Variants in NR6A1 observed in about 807,000 individuals in gnomAD.
NR6A1 encodes nuclear receptor subfamily 6 group A member 1.
In NR6A1, 7 loss-of-function variants were observed where a neutral mutation model predicts 59.1. That is an observed-to-expected ratio of 0.12 (90% CI 0.07 to 0.22). The LOEUF is 0.22. NR6A1 is among the 10% of genes least tolerant of loss of function. NR6A1 has a pLI of 1.00. For synonymous variants in NR6A1, 243 were observed against 236.1 expected (o/e 1.03, Z -0.27); for missense variants, 468 against 611.6 (o/e 0.77, Z 2.48).
intron 2 of NR6A1, among the ~76,000 whole-genome samples, chr9:124,704,392 A>G (rs1291061610): frequency 6.6e-6 from 1 of 152,044 alleles, no homozygotes; most frequent in Admixed American, 6.6e-5. Context: ...TTTCTTCCTT[A>G]TACTTGCTTC....
chr9:124,626,253 G>A (rs766433500), intron 2 of NR6A1, among the ~76,000 whole-genome samples: 20 of 152,110 alleles, frequency 1.3e-4, no homozygotes, highest in Non-Finnish European at 1.9e-4. Flanking sequence ...TGATCTGCCC[G>A]CCTTGGCCTC....
At position 124,540,128 on chromosome 9, in the gene NR6A1, A is replaced by C; in HGVS notation, c.501T>G (p.Asn167Lys). Residue 167 changes from asparagine to lysine, a missense_variant, in exon 5 of 10, where the codon AAT becomes AAG. Physicochemically the swap from Asn to Lys is moderately conservative, Grantham distance 94. Around this residue, in one of 4 missense-constraint regions of NR6A1, gnomAD observed 151 missense variants for 142.8 expected, o/e 1.06. Coordinates refer to ENST00000487099, the MANE Select transcript of NR6A1 (RefSeq NM_033334.4). ...CACTATCACCATGGTTGCTCCAGTG[A>C]TTGGCCTCTTCCTCAAACTCCTGCC... ...MSGQEFEEEA[N>K]HWSNHGDSDH... 1 of 1,614,076 alleles carries C rather than the reference A, an allele frequency of 6.2e-7. No individual in the cohort carries two copies. Among genetic ancestry groups the C allele is most frequent in the Non-Finnish European group, 8.5e-7 (1 of 1,179,988 alleles).
At chr9:124,665,008 TCCAAAAAAAAA>T (rs747658588) in intron 2 of NR6A1, among the ~76,000 whole-genome samples, 15 of 24,680 alleles carry the variant, frequency 6.1e-4, no homozygotes, top group Middle Eastern at 0.029. Context: ...TCCTTGTATC[TCCAAAAAAAAA>T]AAAAAAAAAA....
chr9:124,708,195 C>T (rs575237994), intron 2 of NR6A1, among the ~76,000 whole-genome samples: 1 of 152,216 alleles, frequency 6.6e-6, no homozygotes, highest in East Asian at 1.9e-4. Context: ...TTTCACTTGC[C>T]ACAAAGATCA....
At chr9:124,599,311 C>T (rs1835377714) in intron 2 of NR6A1, 3 of 368,552 alleles carry the variant, frequency 8.1e-6, no homozygotes, top group African/African-American at 4.3e-5. Context: ...GGCGTGGCGG[C>T]GGGCGCCCGA....
intron 2 of NR6A1, among the ~76,000 whole-genome samples, chr9:124,727,026 T>C (rs1026576206): frequency 2.6e-5 from 4 of 152,248 alleles, no homozygotes; most frequent in African/African-American, 7.2e-5. Context: ...TAAGTTCTTA[T>C]ACTTCCAGAA....
At chr9:124,757,090 A>T (rs1402992279) in intron 1 of NR6A1, among the ~76,000 whole-genome samples, 1 of 152,122 alleles carries the variant, frequency 6.6e-6, no homozygotes, top group Non-Finnish European at 1.5e-5. Context: ...TATCTCAAGC[A>T]CCAGGCATTT....
Position 124,518,876 on chromosome 9 carries a change from A to G in NR6A1, c.*3829T>C, listed in dbSNP as rs1564159149. On this transcript the variant is annotated 3_prime_UTR_variant, in exon 10 of 10. Transcript: ENST00000487099. The stretch of plus-strand genomic sequence containing the variant: ...AAATTTCAAAAGCAACAAGGAAAAA[A>G]GATACACACCAGGGGCCCAGAGAGG... 1 of 152,146 alleles carries G rather than the reference A, an allele frequency of 6.6e-6. No individual in the cohort carries two copies. The highest frequency in any genetic ancestry group is 2.4e-5 in the African/African-American group (1 of 41,424). 9.4% of individuals were successfully genotyped at this position (152,146 alleles called of 1,614,324 possible).
chr9:124,589,197 A>G (rs1043402133), intron 2 of NR6A1, among the ~76,000 whole-genome samples: 1 of 152,228 alleles, frequency 6.6e-6, no homozygotes, highest in Non-Finnish European at 1.5e-5. Flanking sequence ...CTGTAATCCC[A>G]GCACTTTGGG....
Position 124,676,224 on chromosome 9 carries a change from A to T in NR6A1, c.142+57084T>A, listed in dbSNP as rs912816530. Among the ~76,000 whole-genome samples the T allele has an allele frequency of 3.9e-5, 6 of 152,250 alleles. No individual in the cohort carries two copies. In the East Asian group the frequency reaches 1.2e-3, roughly 29 times the overall value. ...AATAACTCTTTACTTCTCCTACCCC[A>T]ATAAGATAAATATATGTGATTATAA... On this transcript the variant is annotated intron_variant, in intron 2 of 9. Coordinates refer to ENST00000487099, the MANE Select transcript of NR6A1 (RefSeq NM_033334.4).
intron 2 of NR6A1, among the ~76,000 whole-genome samples, chr9:124,631,038 T>C (rs1836427074): frequency 6.6e-6 from 1 of 151,772 alleles, no homozygotes; most frequent in African/African-American, 2.4e-5. Flanking sequence ...CTTTTACAGT[T>C]ATTGTGAGGT....
At position 124,693,988 on chromosome 9, in the gene NR6A1, A is replaced by G. The variant is rs143964850; in HGVS notation, c.142+39320T>C. On this transcript the variant is annotated intron_variant, in intron 2 of 9. Transcript: ENST00000487099. ...TCAATAGTCTAGATTTAAGGAAATG[A>G]TATTTTATAGGAAGAATTAAATACA... Among the ~76,000 whole-genome samples the G allele has an allele frequency of 4.6e-3, 704 of 152,330 alleles. 5 individuals carry two copies. Among genetic ancestry groups the G allele is most frequent in the African/African-American group, 0.016 (668 of 41,562 alleles).
chr9:124,672,741 T>C (rs902113499), intron 2 of NR6A1, among the ~76,000 whole-genome samples: 3 of 152,166 alleles, frequency 2.0e-5, no homozygotes, highest in Non-Finnish European at 4.4e-5. Flanking sequence ...TCACCAACAA[T>C]TTGTATGTCA....
At chr9:124,750,815 T>G (rs577547253) in intron 1 of NR6A1, among the ~76,000 whole-genome samples, 2 of 151,944 alleles carry the variant, frequency 1.3e-5, no homozygotes, top group South Asian at 4.2e-4. Flanking sequence ...AAAAAAAAAG[T>G]CAAGATTTTT....
chr9:124,584,067 A>G (rs1834849052), intron 2 of NR6A1, among the ~76,000 whole-genome samples: 2 of 151,098 alleles, frequency 1.3e-5, no homozygotes, highest in African/African-American at 4.9e-5. Context: ...AGAACAGTGC[A>G]TGAGCATACA....
chr9:124,668,020 C>G (rs763946742), intron 2 of NR6A1, among the ~76,000 whole-genome samples: 5 of 152,224 alleles, frequency 3.3e-5, no homozygotes, highest in African/African-American at 1.2e-4. Context: ...GGACCAACCT[C>G]CCATGCAGTC....
At chr9:124,667,690 GCAT>G (rs1370112439) in intron 2 of NR6A1, among the ~76,000 whole-genome samples, 2 of 152,170 alleles carry the variant, frequency 1.3e-5, no homozygotes, top group Non-Finnish European at 2.9e-5. Context: ...GGCATAGAAA[GCAT>G]GTCTTTCCTC....
chr9:124,728,351 T>C (rs1839785523), intron 2 of NR6A1, among the ~76,000 whole-genome samples: 1 of 151,646 alleles, frequency 6.6e-6, no homozygotes, highest in African/African-American at 2.4e-5. Flanking sequence ...TTAAAGTACT[T>C]GCGGCCAGGC....
chr9:124,675,334 G>C (rs1490701448), intron 2 of NR6A1, among the ~76,000 whole-genome samples: 1 of 152,198 alleles, frequency 6.6e-6, no homozygotes, highest in African/African-American at 2.4e-5. Flanking sequence ...CCTCCTACCA[G>C]ACTGTAACTT....
Sources: gnomAD v4.1 joint callset for allele counts (sites outside exome capture counted in the v4.1 genomes callset) on GRCh38, gnomAD v4.1.1 for gene constraint, gnomAD v4.1.1 regional missense constraint, MANE v1.5 for transcripts, NCBI Gene and HGNC (gene_info 2026-07-23, HGNC 2026-07-21) for gene names.